Variants in ZC3H13 observed in about 807,000 individuals in gnomAD.
ZC3H13 encodes the protein zinc finger CCCH domain-containing protein 13.
Under a neutral mutation model 204.1 loss-of-function variants are expected in ZC3H13, and 64 were observed. That is an observed-to-expected ratio of 0.31 (90% CI 0.26 to 0.39). The LOEUF is 0.39. ZC3H13 is among the 10% of genes least tolerant of loss of function. The pLI is 1.00. For missense variants in ZC3H13, 1,833 were observed against 2,082.7 expected, an observed-to-expected ratio of 0.88 and a Z score of 2.33; for synonymous variants, 667 against 693.7, an observed-to-expected ratio of 0.96 and a Z score of 0.60.
chr13:45,984,362 C>G (rs1953984572), intron 10 of ZC3H13, among the ~76,000 whole-genome samples: 1 of 151,640 alleles, frequency 6.6e-6, no homozygotes, highest in African/African-American at 2.4e-5. Context: ...AATTTTGAAC[C>G]ATGTAAATAC....
chr13:45,997,044 A>G (rs1340392929), intron 8 of ZC3H13, among the ~76,000 whole-genome samples: 1 of 152,208 alleles, frequency 6.6e-6, no homozygotes, highest in Admixed American at 6.5e-5. Flanking sequence ...TTAAAAAAAT[A>G]TTATGGGAAA....
At position 46,012,743 on chromosome 13, in the gene ZC3H13, T is replaced by C. The variant is rs76299386; in HGVS notation, c.449-1189A>G. Reference sequence around the variant, plus strand: ...TACTAAATATTTAATTAAGGGCAAGTAGTTTTCACTAGATAAAATGAAGAC... The same window carrying C: ...TACTAAATATTTAATTAAGGGCAAGCAGTTTTCACTAGATAAAATGAAGAC... On this transcript the variant is annotated intron_variant, in intron 5 of 18. Coordinates refer to ENST00000679008, the MANE Select transcript of ZC3H13 (RefSeq NM_001330564.2). 4.9e-3 allele frequency among the ~76,000 whole-genome samples: 740 copies of C among 152,344 alleles called. 2 individuals are homozygous for C. Among genetic ancestry groups the C allele is most frequent in the African/African-American group, 0.017 (701 of 41,584 alleles).
chr13:45,970,856 G>A (rs1011667727), intron 12 of ZC3H13, among the ~76,000 whole-genome samples: 1 of 152,216 alleles, frequency 6.6e-6, no homozygotes, highest in South Asian at 2.1e-4. Flanking sequence ...AGCTGAATGA[G>A]AAAACCTAAT....
intron 1 of ZC3H13, among the ~76,000 whole-genome samples, chr13:46,048,906 G>A (rs189941845): frequency 6.6e-6 from 1 of 152,226 alleles, no homozygotes; most frequent in East Asian, 1.9e-4. Context: ...CAAGGCAGGC[G>A]GATCACGAGG....
intron 4 of ZC3H13, among the ~76,000 whole-genome samples, chr13:46,040,743 G>A (rs1009929379): frequency 1.4e-4 from 22 of 152,054 alleles, no homozygotes; most frequent in African/African-American, 3.4e-4. Flanking sequence ...GAGAACACTT[G>A]TAACTCAATA....
At chr13:46,048,446 T>G (rs973388976) in intron 1 of ZC3H13, among the ~76,000 whole-genome samples, 1 of 151,922 alleles carries the variant, frequency 6.6e-6, no homozygotes, top group Non-Finnish European at 1.5e-5. Flanking sequence ...CCGGGCGTGG[T>G]GGCAGGCGCC....
Position 46,003,126 on chromosome 13 carries a change from C to T in ZC3H13, c.944+13G>A, listed in dbSNP as rs1348615992. 7 of 1,604,154 alleles carry T rather than the reference C, an allele frequency of 4.4e-6. No individual in the cohort carries two copies. Among genetic ancestry groups the T allele is most frequent in the Non-Finnish European group, 5.9e-6 (7 of 1,178,010 alleles). On this transcript the variant is annotated intron_variant, in intron 8 of 18. Coordinates refer to ENST00000679008, the MANE Select transcript of ZC3H13 (RefSeq NM_001330564.2). ...AAAAGTTAATATTGTTAAAAACATA[C>T]AATCCTACTTACCTTGGCTTGTCTC...
In ZC3H13 at chr13:45,963,853, T is replaced by C. The variant is rs1314729255; in HGVS notation, c.4664A>G (p.Glu1555Gly). Residue 1555 changes from glutamate (E) to glycine (G), a missense_variant, in exon 17 of 19, where the codon GAA becomes GGA. This residue lies in a region of ZC3H13 where 211 missense variants were observed against 228.4 expected (regional missense o/e 0.92). Transcript: ENST00000679008. ...KVKETCQRLLEKPKDADNLFE... is the reference protein window; with the variant it reads ...KVKETCQRLLGKPKDADNLFE... Reference sequence around the variant, plus strand: ...TAAAATGAAACTACCTTTGGGTTTTTCTAAAAGTCTCTGACATGTTTCTTT... The same window carrying C: ...TAAAATGAAACTACCTTTGGGTTTTCCTAAAAGTCTCTGACATGTTTCTTT... 1 of 1,613,928 alleles carries C rather than the reference T, an allele frequency of 6.2e-7. No individual in the cohort carries two copies. The highest frequency in any genetic ancestry group is 1.3e-5 in the African/African-American group (1 of 74,890).
At chr13:46,008,300 C>G (rs185781245) in intron 7 of ZC3H13, among the ~76,000 whole-genome samples, 282 of 138,934 alleles carry the variant, frequency 2.0e-3, no homozygotes, top group Middle Eastern at 3.6e-3. Flanking sequence ...GAAATGTAAA[C>G]TGCATAAATG....
chr13:46,005,869 G>A (rs112983202), intron 7 of ZC3H13, among the ~76,000 whole-genome samples: 35 of 152,108 alleles, frequency 2.3e-4, no homozygotes, highest in African/African-American at 7.2e-4. Context: ...CAAGGTGGGC[G>A]GATCGTGAGG....
At chr13:45,996,970 A>G (rs1203540678) in intron 8 of ZC3H13, among the ~76,000 whole-genome samples, 1 of 152,210 alleles carries the variant, frequency 6.6e-6, no homozygotes, top group East Asian at 1.9e-4. Context: ...GTATTCCCTG[A>G]GGATAAGAGG....
At chr13:46,022,717 ATT>A (rs879499124) in intron 4 of ZC3H13, among the ~76,000 whole-genome samples, 27 of 142,758 alleles carry the variant, frequency 1.9e-4, no homozygotes, top group Admixed American at 2.1e-4. Flanking sequence ...AGAGTTCAGA[ATT>A]TTTTTTTTTT....
At position 45,963,931 on chromosome 13, in the gene ZC3H13, A is replaced by G. The variant is rs1259778114; in HGVS notation, c.4586T>C (p.Leu1529Pro). The G allele has an allele frequency of 6.2e-7, 1 of 1,614,166 alleles. No individual in the cohort carries two copies. Among genetic ancestry groups the G allele is most frequent in the Non-Finnish European group, 8.5e-7 (1 of 1,180,010 alleles). Residue 1529 changes from leucine (L) to proline (P), a missense_variant, in exon 17 of 19, where the codon CTA becomes CCA. This residue lies in a region of ZC3H13 where 211 missense variants were observed against 228.4 expected (regional missense o/e 0.92). Coordinates refer to ENST00000679008, the MANE Select transcript of ZC3H13 (RefSeq NM_001330564.2). ...LLKFTPGAVM[L>P]RVGISKKLAG... ...CAACTTTTTAGAAATCCCAACTCTT[A>G]GCATAACAGCTCCAGGTGTGAATTT... is the stretch of plus-strand genomic sequence containing the variant.
intron 4 of ZC3H13, among the ~76,000 whole-genome samples, chr13:46,038,080 A>C (rs2043321034): frequency 6.6e-6 from 1 of 152,196 alleles, no homozygotes; most frequent in Non-Finnish European, 1.5e-5. Context: ...TGAGCAAGAC[A>C]GATCTCAGCA....
intron 5 of ZC3H13, among the ~76,000 whole-genome samples, chr13:46,018,142 AG>A (rs2042020301): frequency 6.6e-6 from 1 of 151,978 alleles, no homozygotes; most frequent in East Asian, 1.9e-4. Flanking sequence ...AGCCAAAAGA[AG>A]AGTCTTTTTC....
At position 45,975,530 on chromosome 13, in the gene ZC3H13, TCTCTCTTTCCCG is replaced by T. The variant is rs772693913; in HGVS notation, c.2209_2220del (p.Glu740_Arg743del). The T allele has an allele frequency of 2.5e-6, 4 of 1,605,490 alleles. No homozygotes were observed. Among genetic ancestry groups the T allele is most frequent in the African/African-American group, 1.3e-5 (1 of 74,572 alleles). The stretch of plus-strand genomic sequence containing the variant: ...CGTTCTTTTTCCCTGTCTCGTTCCC[TCTCTCTTTCCCG>T]CTCTCGATCGTGGTCTCGGTCTCTA... On this transcript the variant is annotated inframe_deletion, in exon 12 of 19. Transcript: ENST00000679008.
Position 45,956,241 on chromosome 13 carries a change from A to T in ZC3H13, c.*886T>A, listed in dbSNP as rs1337315470. 1 of 152,170 alleles carries T rather than the reference A, an allele frequency of 6.6e-6. No homozygotes were observed. The highest frequency in any genetic ancestry group is 1.9e-4 in the East Asian group (1 of 5,204). 9.4% of individuals were successfully genotyped at this position (152,170 alleles called of 1,614,324 possible). The stretch of plus-strand genomic sequence containing the variant: ...TGTTAACTCTTGATTTGCTTTGAGT[A>T]ATTTTTTTCTTCAAAAGCCACATTC... On this transcript the variant is annotated 3_prime_UTR_variant, in exon 19 of 19. Coordinates refer to ENST00000679008, the MANE Select transcript of ZC3H13 (RefSeq NM_001330564.2).
In ZC3H13 at chr13:45,980,070, T is replaced by C. The variant is rs112988971; in HGVS notation, c.1721-66A>G. On this transcript the variant is annotated intron_variant, in intron 10 of 18. Coordinates refer to ENST00000679008, the MANE Select transcript of ZC3H13 (RefSeq NM_001330564.2). Reference sequence around the variant, plus strand: ...TTTATTCAACAAATTTCATCAGTCATAATCTTTCCTCCTAAACATCACTAA... The same window carrying C: ...TTTATTCAACAAATTTCATCAGTCACAATCTTTCCTCCTAAACATCACTAA... 3.6e-5 allele frequency: 50 copies of C among 1,370,004 alleles called. 2 individuals are homozygous for C. The African/African-American group carries it at 5.4e-4, about 15-fold the overall frequency. 84.9% of individuals were successfully genotyped at this position (1,370,004 alleles called of 1,614,324 possible).
At chr13:45,960,279 G>A (rs914535227) in intron 17 of ZC3H13, among the ~76,000 whole-genome samples, 12 of 152,054 alleles carry the variant, frequency 7.9e-5, no homozygotes, top group African/African-American at 2.7e-4. Flanking sequence ...TTTAAAGAAC[G>A]TTTTTAAAGG....
Sources: allele counts gnomAD v4.1 joint callset (sites outside exome capture counted in the v4.1 genomes callset), GRCh38; gene constraint gnomAD v4.1.1; regional missense constraint gnomAD v4.1.1; transcripts MANE v1.5; gene names NCBI Gene and HGNC (gene_info 2026-07-23, HGNC 2026-07-21).